Variants in BCAT1 observed in about 807,000 individuals in gnomAD.
The protein encoded by BCAT1 is branched chain amino acid transaminase 1, also known as branched-chain-amino-acid aminotransferase, cytosolic.
In BCAT1, 48 loss-of-function variants were observed where a neutral mutation model predicts 52.4. The observed-to-expected ratio is 0.92, with a 90% CI of 0.73 to 1.16. BCAT1 has a LOEUF of 1.16. BCAT1 is among the 50% of genes most tolerant of loss of function. The probability of loss-of-function intolerance (pLI) is 0.00; values close to 1 mark genes in which losing one functional copy is unlikely to be tolerated. For synonymous variants in BCAT1, 167 were observed against 161.3 expected, an observed-to-expected ratio of 1.04 and a Z score of -0.27; for missense variants, 451 against 457.1, an observed-to-expected ratio of 0.99 and a Z score of 0.12.
intron 10 of BCAT1, among the ~76,000 whole-genome samples, chr12:24,819,669 A>T (rs75182382): frequency 0.026 from 4,014 of 152,258 alleles, 174 homozygotes; most frequent in African/African-American, 0.091. Flanking sequence ...ATCACAATGT[A>T]CATGTGCTGT....
intron 5 of BCAT1, among the ~76,000 whole-genome samples, chr12:24,870,004 ATGTG>A (rs539712345): frequency 7.1e-6 from 1 of 141,266 alleles, no homozygotes; most frequent in South Asian, 2.2e-4. Flanking sequence ...GTGTGTATAT[ATGTG>A]TGTGTGTGTG....
intron 7 of BCAT1, among the ~76,000 whole-genome samples, chr12:24,837,001 C>T (rs193260711): frequency 0.015 from 1,154 of 78,258 alleles, 49 homozygotes; most frequent in African/African-American, 0.055. Flanking sequence ...GAGGAAGGAA[C>T]GAAGGAAGGA....
chr12:24,812,672 T>C lies in BCAT1; in HGVS notation c.*5336A>G, dbSNP rs1348371314. 6.6e-6 allele frequency: 1 copy of C among 151,992 alleles called. No individual in the cohort carries two copies. Among genetic ancestry groups the C allele is most frequent in the Non-Finnish European group, 1.5e-5 (1 of 67,854 alleles). 9.4% of individuals were successfully genotyped at this position (151,992 alleles called of 1,614,324 possible). The stretch of plus-strand genomic sequence containing the variant: ...AAAGCTCCTTTGGATAACACAAAAA[T>C]ATGTTTTGTTTTTTTCCCCTCCTCT... On this transcript the variant is annotated 3_prime_UTR_variant, in exon 11 of 11. Coordinates refer to ENST00000261192, the MANE Select transcript of BCAT1 (RefSeq NM_005504.7).
chr12:24,907,213 T>C (rs1012677484), intron 1 of BCAT1, among the ~76,000 whole-genome samples: 1 of 152,224 alleles, frequency 6.6e-6, no homozygotes, highest in Admixed American at 6.5e-5. Context: ...GGCACTGTCA[T>C]CCTTCCTTGT....
At chr12:24,924,396 A>G (rs1400998683) in intron 1 of BCAT1, among the ~76,000 whole-genome samples, 1 of 152,252 alleles carries the variant, frequency 6.6e-6, no homozygotes, top group Non-Finnish European at 1.5e-5. Flanking sequence ...ATTACATATT[A>G]ATTTAAAAGG....
At chr12:24,846,924 GA>G (rs1419466873) in intron 6 of BCAT1, among the ~76,000 whole-genome samples, 4 of 152,114 alleles carry the variant, frequency 2.6e-5, no homozygotes, top group Admixed American at 6.6e-5. Flanking sequence ...TTGTTCATTG[GA>G]AGACTTGGAG....
At chr12:24,839,757 C>T (rs569248319) in intron 7 of BCAT1, among the ~76,000 whole-genome samples, 18 of 152,286 alleles carry the variant, frequency 1.2e-4, no homozygotes, top group African/African-American at 3.8e-4. Flanking sequence ...ACCGAAAGAA[C>T]TCTGTTTATA....
rs775510880 is a variant in BCAT1, at chr12:24,894,357, A to G, written c.197T>C (p.Phe66Ser). The change falls in exon 3 of 11, where the codon TTT becomes TCT. Residue 66 changes from phenylalanine to serine, a missense_variant. Phe to Ser is a radical substitution (Grantham distance 155). Transcript: ENST00000261192. ...CTTGATATGAGGTTTCTCCCATCCA[A>G]ACTCTGAGGACCACTCCACCGTCAG... ...HMLTVEWSSE[F>S]GWEKPHIKPL... is the part of the protein sequence containing the mutation. 1.2e-6 allele frequency: 2 copies of G among 1,613,844 alleles called. No homozygotes were observed. Among genetic ancestry groups the G allele is most frequent in the Non-Finnish European group, 1.7e-6 (2 of 1,179,862 alleles).
In BCAT1 at chr12:24,823,264, A is replaced by G. The variant is rs189682474; in HGVS notation, c.1120-5215T>C. Among the ~76,000 whole-genome samples, 24 of 152,116 alleles carry G rather than the reference A, an allele frequency of 1.6e-4. No homozygotes were observed. In the East Asian group the frequency reaches 3.7e-3, roughly 23 times the overall value. The stretch of plus-strand genomic sequence containing the variant: ...TTTGTTTGCATTTTTTTGTAGAGAC[A>G]GGGATTTGCCATGTTACCAGGCTGA... On this transcript the variant is annotated intron_variant, in intron 10 of 10. Transcript: ENST00000261192.
intron 5 of BCAT1, among the ~76,000 whole-genome samples, chr12:24,856,468 A>G (rs1366002741): frequency 6.6e-6 from 1 of 152,218 alleles, no homozygotes; most frequent in East Asian, 1.9e-4. Flanking sequence ...TAAAGAGGTA[A>G]TTAAACTTAA....
At chr12:24,917,436 C>G (rs1048194273) in intron 1 of BCAT1, among the ~76,000 whole-genome samples, 46 of 152,170 alleles carry the variant, frequency 3.0e-4, no homozygotes, top group South Asian at 8.3e-4. Context: ...CCTGCCTTGG[C>G]CTCCCAAAGT....
Position 24,817,176 on chromosome 12 carries a change from A to C in BCAT1, c.*832T>G, listed in dbSNP as rs1237921812. Reference sequence around the variant, plus strand: ...AAGACAATATAAGGTAAATCTATACACTGTCAGAATCAATCACAAATTCTA... The same window carrying C: ...AAGACAATATAAGGTAAATCTATACCCTGTCAGAATCAATCACAAATTCTA... On this transcript the variant is annotated 3_prime_UTR_variant, in exon 11 of 11. Transcript: ENST00000261192. The C allele has an allele frequency of 1.3e-5, 2 of 152,250 alleles. No individual in the cohort carries two copies. The highest frequency in any genetic ancestry group is 4.8e-5 in the African/African-American group (2 of 41,464). 9.4% of individuals were successfully genotyped at this position (152,250 alleles called of 1,614,324 possible).
intron 6 of BCAT1, among the ~76,000 whole-genome samples, chr12:24,849,541 A>G (rs145654809): frequency 5.8e-4 from 88 of 152,340 alleles, no homozygotes; most frequent in African/African-American, 2.1e-3. Context: ...TCTCCCTTAC[A>G]AAGGGCCATG....
chr12:24,928,901 A>T (rs1451154676), intron 1 of BCAT1, among the ~76,000 whole-genome samples: 6 of 151,412 alleles, frequency 4.0e-5, no homozygotes, highest in Non-Finnish European at 8.8e-5. Context: ...TGCCCGGCTA[A>T]TTTTTTTTAT....
rs1943487073 is a variant in BCAT1, at chr12:24,920,545, T to C, written c.7-18660A>G. Among the ~76,000 whole-genome samples, 3 of 152,192 alleles carry C rather than the reference T, an allele frequency of 2.0e-5. No individual in the cohort carries two copies. The South Asian group carries it at 6.2e-4, about 31-fold the overall frequency. ...TTCCCGAAAAACTCTCAAACCATTTTTCCTCTGCTCTCACACAAAAACAAT... is the reference window on the plus strand; with the variant it reads ...TTCCCGAAAAACTCTCAAACCATTTCTCCTCTGCTCTCACACAAAAACAAT... On this transcript the variant is annotated intron_variant, in intron 1 of 10. Transcript: ENST00000261192.
chr12:24,903,737 G>A (rs189187872), intron 1 of BCAT1: 2 of 152,190 alleles, frequency 1.3e-5, no homozygotes, highest in Admixed American at 1.3e-4. Flanking sequence ...ATGTAGGCTC[G>A]TGATCGCAAT....
chr12:24,842,616 A>G (rs574236553), intron 6 of BCAT1, among the ~76,000 whole-genome samples: 79 of 152,310 alleles, frequency 5.2e-4, no homozygotes, highest in Middle Eastern at 3.4e-3. Flanking sequence ...CATTATTTCC[A>G]TTGTTCAGAT....
At chr12:24,851,903 GA>G (rs1396800060) in intron 5 of BCAT1, among the ~76,000 whole-genome samples, 1 of 152,086 alleles carries the variant, frequency 6.6e-6, no homozygotes, top group African/African-American at 2.4e-5. Flanking sequence ...CCTTGAAGCA[GA>G]ACATGTTAGA....
upstream of BCAT1, chr12:24,949,263 G>A: frequency 2.2e-6 from 1 of 444,980 alleles, no homozygotes; most frequent in Non-Finnish European, 4.0e-6. Context: ...GCTCACTCCC[G>A]GGGTGCAGGG....
Sources: allele counts gnomAD v4.1 joint callset (sites outside exome capture counted in the v4.1 genomes callset), GRCh38; gene constraint gnomAD v4.1.1; transcripts MANE v1.5; gene names NCBI Gene and HGNC (gene_info 2026-07-23, HGNC 2026-07-21).